The following GMDS variants were observed in gnomAD, a reference collection of about 807,000 sequenced individuals.
The protein encoded by GMDS is GDP-mannose 4,6 dehydratase.
In GMDS, 20 loss-of-function variants were observed where a neutral mutation model predicts 49.9. The ratio of observed to expected loss-of-function variants is 0.40; its 90% CI spans 0.28 to 0.58. GMDS has a LOEUF of 0.58. Among genes scored for constraint, GMDS ranks in the 20% least tolerant of loss-of-function variants. GMDS has a pLI of 0.42. For missense variants in GMDS, 362 were observed against 481.4 expected (o/e 0.75, Z 2.32); for synonymous variants, 177 against 178.6 (o/e 0.99, Z 0.07).
At chr6:2,106,983 T>G (rs1041553249) in intron 4 of GMDS, among the ~76,000 whole-genome samples, 1 of 152,248 alleles carries the variant, frequency 6.6e-6, no homozygotes, top group Non-Finnish European at 1.5e-5. Context: ...TTCATTTAGC[T>G]ATTTGTATTA....
At chr6:2,200,864 A>G (rs1236611314) in intron 1 of GMDS, among the ~76,000 whole-genome samples, 4 of 135,630 alleles carry the variant, frequency 2.9e-5, no homozygotes, top group South Asian at 2.5e-4. Context: ...GTTAGCAGAG[A>G]GGTGAAGGAT....
At chr6:1,645,082 T>TGC (rs1763445985) in intron 9 of GMDS, among the ~76,000 whole-genome samples, 1 of 152,022 alleles carries the variant, frequency 6.6e-6, no homozygotes, top group African/African-American at 2.4e-5. Flanking sequence ...ATTACAGGCA[T>TGC]GTGCCACCAC....
chr6:2,009,795 A>G (rs1767435173), intron 4 of GMDS, among the ~76,000 whole-genome samples: 2 of 152,230 alleles, frequency 1.3e-5, no homozygotes, highest in African/African-American at 4.8e-5. Flanking sequence ...CATCTCTATC[A>G]GCAGAATTCT....
intron 1 of GMDS, among the ~76,000 whole-genome samples, chr6:2,197,562 CA>C (rs1195446133): frequency 6.6e-6 from 1 of 152,208 alleles, no homozygotes; most frequent in East Asian, 1.9e-4. Flanking sequence ...CCTGGCCCTG[CA>C]CCATTTGCCT....
At chr6:1,854,506 C>T (rs1757857986) in intron 7 of GMDS, among the ~76,000 whole-genome samples, 1 of 152,182 alleles carries the variant, frequency 6.6e-6, no homozygotes, top group Admixed American at 6.5e-5. Context: ...ATCACCCAAG[C>T]TATATGTGGC....
At chr6:1,709,071 C>T (rs907110633) in intron 9 of GMDS, among the ~76,000 whole-genome samples, 4 of 152,182 alleles carry the variant, frequency 2.6e-5, no homozygotes, top group African/African-American at 9.7e-5. Flanking sequence ...CACAGGTAGG[C>T]ATGACAGGTT....
At chr6:1,797,768 G>A (rs1388677719) in intron 7 of GMDS, among the ~76,000 whole-genome samples, 1 of 152,130 alleles carries the variant, frequency 6.6e-6, no homozygotes, top group Non-Finnish European at 1.5e-5. Flanking sequence ...ATGTTCCAAG[G>A]GACACCATTC....
intron 9 of GMDS, among the ~76,000 whole-genome samples, chr6:1,710,057 G>A (rs1313542729): frequency 6.6e-6 from 1 of 152,162 alleles, no homozygotes; most frequent in Non-Finnish European, 1.5e-5. Flanking sequence ...AAATGACTTT[G>A]GGTATTTAAA....
At chr6:2,217,095 C>T (rs1402820812) in intron 1 of GMDS, among the ~76,000 whole-genome samples, 2 of 152,146 alleles carry the variant, frequency 1.3e-5, no homozygotes, top group Admixed American at 6.5e-5. Context: ...GGCTCTGCAC[C>T]CAGCTCAGAA....
chr6:1,993,737 T>TAAAAA (rs111826936), intron 4 of GMDS, among the ~76,000 whole-genome samples: 1 of 145,410 alleles, frequency 6.9e-6, no homozygotes, highest in African/African-American at 2.5e-5. Flanking sequence ...ACTCCTTCTC[T>TAAAAA]AAAAAAAAAA....
At chr6:1,670,991 T>C (rs532293504) in intron 9 of GMDS, among the ~76,000 whole-genome samples, 3 of 152,312 alleles carry the variant, frequency 2.0e-5, no homozygotes, top group Admixed American at 6.5e-5. Flanking sequence ...TGCAGGGCTT[T>C]TTGAAATTCT....
intron 7 of GMDS, among the ~76,000 whole-genome samples, chr6:1,776,355 C>T (rs1346761089): frequency 1.3e-5 from 2 of 152,110 alleles, no homozygotes; most frequent in Non-Finnish European, 2.9e-5. Context: ...TTATGTCCCA[C>T]ACAGAATTTT....
intron 9 of GMDS, among the ~76,000 whole-genome samples, chr6:1,683,571 C>T (rs1022085561): frequency 6.6e-6 from 1 of 152,166 alleles, no homozygotes; most frequent in African/African-American, 2.4e-5. Flanking sequence ...CCACCTTTAG[C>T]AAATAGGATG....
chr6:1,727,865 A>C (rs1049712437), intron 8 of GMDS, among the ~76,000 whole-genome samples: 1 of 152,238 alleles, frequency 6.6e-6, no homozygotes. Flanking sequence ...TATATAGCGC[A>C]GTATGTTGAA....
intron 7 of GMDS, among the ~76,000 whole-genome samples, chr6:1,925,079 C>T (rs1581370764): frequency 1.3e-5 from 2 of 152,044 alleles, no homozygotes; most frequent in African/African-American, 4.8e-5. Context: ...TACTTAAATA[C>T]TAATTTTTGT....
intron 1 of GMDS, 69 bp from the exon 2 acceptor site, chr6:2,124,800 G>C (rs968165839): frequency 2.5e-6 from 3 of 1,218,344 alleles, no homozygotes; most frequent in Non-Finnish European, 3.6e-6. Context: ...TAGATGAAGA[G>C]TTTTGAGAAA....
chr6:2,001,955 A>G (rs1462358523), intron 4 of GMDS, among the ~76,000 whole-genome samples: 1 of 152,144 alleles, frequency 6.6e-6, no homozygotes, highest in Non-Finnish European at 1.5e-5. Context: ...ATTTGCCACC[A>G]ATTCCTTTTA....
chr6:2,210,471 C>T (rs1027403194), intron 1 of GMDS, among the ~76,000 whole-genome samples: 3 of 152,154 alleles, frequency 2.0e-5, no homozygotes, highest in Non-Finnish European at 4.4e-5. Context: ...CCTGGTGTAA[C>T]GCAGCCCCAG....
chr6:2,101,907 A>C (rs1773947213), intron 4 of GMDS, among the ~76,000 whole-genome samples: 1 of 152,170 alleles, frequency 6.6e-6, no homozygotes, highest in South Asian at 2.1e-4. Context: ...ATAAAGGAAA[A>C]TCTAAGTATC....
Sources: gnomAD v4.1 joint callset for allele counts (sites outside exome capture counted in the v4.1 genomes callset) on GRCh38, gnomAD v4.1.1 for gene constraint, MANE v1.5 for transcripts, NCBI Gene and HGNC (gene_info 2026-07-23, HGNC 2026-07-21) for gene names.